SPOP: variants seen among roughly 807,000 people sequenced by gnomAD.
SPOP encodes speckle type BTB/POZ protein.
In SPOP, 11 loss-of-function variants were observed where a neutral mutation model predicts 45.6. That is an observed-to-expected ratio of 0.24 (90% confidence interval 0.15 to 0.40). The LOEUF (loss-of-function observed/expected upper bound fraction) is 0.40. SPOP is among the 10% of genes least tolerant of loss of function. The pLI, the probability that SPOP is intolerant of heterozygous loss-of-function variation, is 1.00. For synonymous variants in SPOP, 166 were observed against 166.3 expected (o/e 1.00, Z 0.01); for missense variants, 152 against 465.6 (o/e 0.33, Z 6.20).
intron 1 of SPOP, among the ~76,000 whole-genome samples, chr17:49,631,410 C>T (rs1045795890): frequency 2.0e-5 from 3 of 152,160 alleles, no homozygotes; most frequent in African/African-American, 7.2e-5. Context: ...ACTGGGTACA[C>T]CTGAGTGGGA....
intron 1 of SPOP, among the ~76,000 whole-genome samples, chr17:49,644,419 T>C (rs888163251): frequency 6.6e-6 from 1 of 152,022 alleles, no homozygotes; most frequent in Non-Finnish European, 1.5e-5. Flanking sequence ...AATAATGAGG[T>C]AGTTTAGGAC....
intron 3 of SPOP, 113 bp downstream of exon 3, chr17:49,621,833 C>G (rs1321462637): frequency 5.0e-6 from 6 of 1,209,400 alleles, no homozygotes; most frequent in Non-Finnish European, 5.8e-6. Context: ...ACAGTAAGAA[C>G]AAAACAAAAG....
chr17:49,659,093 A>G (rs1245000389), intron 1 of SPOP, among the ~76,000 whole-genome samples: 1 of 152,252 alleles, frequency 6.6e-6, no homozygotes, highest in African/African-American at 2.4e-5. Context: ...AAAGGAAAAC[A>G]CTAAAAGAAA....
chr17:49,674,182 T>G (rs1340140112), intron 1 of SPOP, among the ~76,000 whole-genome samples: 1 of 152,116 alleles, frequency 6.6e-6, no homozygotes, highest in Admixed American at 6.6e-5. Flanking sequence ...AAAGATTACA[T>G]CTTTGGTTTT....
chr17:49,603,119 A>G (rs1214482540), intron 8 of SPOP, among the ~76,000 whole-genome samples: 1 of 152,220 alleles, frequency 6.6e-6, no homozygotes, highest in African/African-American at 2.4e-5. Flanking sequence ...GGACAATTTA[A>G]TTGTTATGAA....
At chr17:49,673,088 G>A (rs796329283) in intron 1 of SPOP, among the ~76,000 whole-genome samples, 60 of 152,218 alleles carry the variant, frequency 3.9e-4, no homozygotes, top group African/African-American at 1.4e-3. Context: ...GATATTAGAT[G>A]GTATTAGAGA....
At chr17:49,658,957 T>C (rs887544281) in intron 1 of SPOP, among the ~76,000 whole-genome samples, 1 of 151,974 alleles carries the variant, frequency 6.6e-6, no homozygotes, top group Non-Finnish European at 1.5e-5. Context: ...AGCCCTCTTA[T>C]CCCTCTACTA....
intron 1 of SPOP, among the ~76,000 whole-genome samples, chr17:49,628,843 T>C (rs2072392526): frequency 6.6e-6 from 1 of 152,204 alleles, no homozygotes. Context: ...TGAACACTTC[T>C]GCTGACTCCT....
intron 1 of SPOP, among the ~76,000 whole-genome samples, chr17:49,645,167 A>G (rs1253549741): frequency 6.6e-6 from 1 of 152,130 alleles, no homozygotes. Context: ...AGATCATCTC[A>G]CTAAGGAAAA....
At chr17:49,614,969 C>T (rs992253817) in intron 5 of SPOP, among the ~76,000 whole-genome samples, 1 of 151,894 alleles carries the variant, frequency 6.6e-6, no homozygotes, top group Non-Finnish European at 1.5e-5. Flanking sequence ...AGCAATCCTC[C>T]TGCTTCACCC....
At chr17:49,612,527 G>C (rs2071995798) in intron 5 of SPOP, among the ~76,000 whole-genome samples, 1 of 152,208 alleles carries the variant, frequency 6.6e-6, no homozygotes, top group African/African-American at 2.4e-5. Flanking sequence ...TTCAGCAGAA[G>C]CATGTTTTAA....
At chr17:49,672,115 G>T (rs2073143688) in intron 1 of SPOP, among the ~76,000 whole-genome samples, 2 of 152,022 alleles carry the variant, frequency 1.3e-5, no homozygotes, top group African/African-American at 4.8e-5. Context: ...ACTCCAGCCT[G>T]GGAGACAGAG....
At chr17:49,661,100 T>C (rs999312378) in intron 1 of SPOP, among the ~76,000 whole-genome samples, 4 of 152,246 alleles carry the variant, frequency 2.6e-5, no homozygotes, top group Non-Finnish European at 4.4e-5. Flanking sequence ...CTCACCATTA[T>C]ACAAACTTTG....
chr17:49,625,593 A>G (rs1404799031), intron 1 of SPOP, among the ~76,000 whole-genome samples: 2 of 152,180 alleles, frequency 1.3e-5, no homozygotes, highest in Non-Finnish European at 2.9e-5. Context: ...GGGCAACAAG[A>G]GCGAAGCTCC....
intron 5 of SPOP, among the ~76,000 whole-genome samples, chr17:49,612,481 T>C (rs755506714): frequency 3.3e-5 from 5 of 152,144 alleles, no homozygotes; most frequent in Admixed American, 6.5e-5. Context: ...ATGATGACAA[T>C]AGGTTTATAA....
chr17:49,662,152 T>G (rs115963787), intron 1 of SPOP, among the ~76,000 whole-genome samples: 2,140 of 152,160 alleles, frequency 0.014, 62 homozygotes, highest in African/African-American at 0.049. Flanking sequence ...CTATGCCTTT[T>G]CTAGAAAGGC....
At chr17:49,665,540 A>G (rs1026116408) in intron 1 of SPOP, among the ~76,000 whole-genome samples, 2 of 151,466 alleles carry the variant, frequency 1.3e-5, no homozygotes, top group South Asian at 2.1e-4. Context: ...GCGTGAACCC[A>G]GGAGGCGGAG....
In SPOP at chr17:49,641,042, C is replaced by T. The variant is rs1282958518; in HGVS notation, c.-66-18166G>A. The stretch of plus-strand genomic sequence containing the variant: ...CTTTGATATGCCGAGGCGGGTGGAT[C>T]ACTTGAGGTCAGGAGTTCAAGACCA... On this transcript the variant is annotated intron_variant, in intron 1 of 9. Coordinates refer to ENST00000504102, the MANE Select transcript of SPOP (RefSeq NM_001007228.2). Among the ~76,000 whole-genome samples, 6 of 151,980 alleles carry T rather than the reference C, an allele frequency of 3.9e-5. No homozygotes were observed. The South Asian group carries it at 6.2e-4, about 16-fold the overall frequency.
intron 5 of SPOP, 67 bp downstream of exon 5, chr17:49,618,914 A>G (rs2072148624): frequency 1.5e-5 from 23 of 1,529,270 alleles, no homozygotes; most frequent in Non-Finnish European, 2.0e-5. Context: ...CTGATACAAT[A>G]TAATTAAGTC....
Sources: gnomAD v4.1 joint callset for allele counts (sites outside exome capture counted in the v4.1 genomes callset) on GRCh38, gnomAD v4.1.1 for gene constraint, MANE v1.5 for transcripts, NCBI Gene and HGNC (gene_info 2026-07-23, HGNC 2026-07-21) for gene names.